KIF6: variants seen among roughly 807,000 people sequenced by gnomAD.
KIF6 encodes the protein kinesin family member 6, also known as kinesin-like protein KIF6.
Under a neutral mutation model 112.7 loss-of-function variants are expected in KIF6, and 106 were observed. The observed-to-expected ratio is 0.94, with a 90% CI of 0.80 to 1.11. The LOEUF (loss-of-function observed/expected upper bound fraction) is 1.11. Ranked by LOEUF, KIF6 falls within the 50% of genes least tolerant of loss-of-function variation. The pLI, the probability that KIF6 is intolerant of heterozygous loss-of-function variation, is 0.00. For missense variants in KIF6, 929 were observed against 964.0 expected, an observed-to-expected ratio of 0.96 and a Z score of 0.48; for synonymous variants, 339 against 339.9, an observed-to-expected ratio of 1.00 and a Z score of 0.03.
intron 12 of KIF6, among the ~76,000 whole-genome samples, chr6:39,541,763 G>A (rs544935433): frequency 6.6e-6 from 1 of 152,140 alleles, no homozygotes; most frequent in Non-Finnish European, 1.5e-5. Flanking sequence ...GCTACAAAAG[G>A]CCTAAGAGTG....
chr6:39,441,511 T>G (rs903553167), intron 13 of KIF6, among the ~76,000 whole-genome samples: 1 of 152,110 alleles, frequency 6.6e-6, no homozygotes, highest in East Asian at 1.9e-4. Context: ...TCCAGGGTGA[T>G]GGAGGTCACC....
intron 22 of KIF6, 66 bp from the exon 23 acceptor site, chr6:39,336,614 A>T: frequency 1.3e-6 from 2 of 1,510,614 alleles, no homozygotes; most frequent in Non-Finnish European, 1.8e-6. Context: ...CCCAGGATTG[A>T]ATCGGGGGGA....
At chr6:39,586,231 T>C in intron 8 of KIF6, 30 bp downstream of exon 8, 1 of 1,612,644 alleles carries the variant, frequency 6.2e-7, no homozygotes, top group Non-Finnish European at 8.5e-7. Flanking sequence ...AAACCTAGAT[T>C]AAGATCTCCA....
rs1435890293 is a variant in KIF6, at chr6:39,498,121, TG to T, written c.1645+41881del. ...TTGGGATTTGGCACTTTGAGAAACA[TG>T]GGCCTATACAGAGACCAAAATTTTT... On this transcript the variant is annotated intron_variant, in intron 13 of 22. Transcript: ENST00000287152. Among the ~76,000 whole-genome samples, 12 of 152,264 alleles carry T rather than the reference TG, an allele frequency of 7.9e-5. No homozygotes were observed. The South Asian group carries it at 2.3e-3, about 29-fold the overall frequency.
intron 3 of KIF6, among the ~76,000 whole-genome samples, chr6:39,663,397 C>A (rs1786276298): frequency 6.6e-6 from 1 of 152,052 alleles, no homozygotes; most frequent in African/African-American, 2.4e-5. Flanking sequence ...GGGAGTTAAG[C>A]CATAAACTGC....
chr6:39,679,763 A>T (rs1295724580), intron 3 of KIF6, among the ~76,000 whole-genome samples: 1 of 150,898 alleles, frequency 6.6e-6, no homozygotes, highest in African/African-American at 2.4e-5. Flanking sequence ...CTACAGGTGC[A>T]TGCCACCATG....
intron 16 of KIF6, among the ~76,000 whole-genome samples, chr6:39,370,610 C>A (rs1430500897): frequency 1.3e-5 from 2 of 152,186 alleles, no homozygotes; most frequent in Non-Finnish European, 2.9e-5. Flanking sequence ...GGCTAGACAA[C>A]CCAAACACTC....
intron 16 of KIF6, among the ~76,000 whole-genome samples, chr6:39,372,237 T>C (rs968262027): frequency 3.4e-5 from 4 of 116,604 alleles, no homozygotes; most frequent in Non-Finnish European, 7.0e-5. Context: ...AGGAAGAACT[T>C]TCCCTCCTAT....
At chr6:39,540,296 T>A in intron 12 of KIF6, 75 bp from the exon 13 acceptor site, 1 of 925,394 alleles carries the variant, frequency 1.1e-6, no homozygotes, top group Non-Finnish European at 1.7e-6. Context: ...TAAGTGTCAT[T>A]AATGTTCCTA....
At chr6:39,363,587 C>T (rs1024215108) in intron 16 of KIF6, among the ~76,000 whole-genome samples, 3 of 152,148 alleles carry the variant, frequency 2.0e-5, no homozygotes, top group Non-Finnish European at 2.9e-5. Context: ...GGAGTCTCTT[C>T]GTGGTTGCCC....
At chr6:39,545,017 T>C (rs1048558246) in intron 11 of KIF6, among the ~76,000 whole-genome samples, 2 of 152,212 alleles carry the variant, frequency 1.3e-5, no homozygotes, top group African/African-American at 4.8e-5. Context: ...TTTACACTTT[T>C]ATTCTAGTAC....
intron 3 of KIF6, among the ~76,000 whole-genome samples, chr6:39,667,147 T>C (rs528374765): frequency 6.6e-6 from 1 of 152,108 alleles, no homozygotes. Flanking sequence ...GATATTTACA[T>C]AGACAAATGA....
chr6:39,360,344 G>A (rs1765031996), intron 18 of KIF6, 51 bp downstream of exon 18: 1 of 1,606,584 alleles, frequency 6.2e-7, no homozygotes, highest in Non-Finnish European at 8.5e-7. Flanking sequence ...GCCCCAGTGG[G>A]GCTGCATGAC....
rs79924669 is a variant in KIF6, at chr6:39,492,007, C to T, written c.1645+47996G>A. On this transcript the variant is annotated intron_variant, in intron 13 of 22. Transcript: ENST00000287152. Reference sequence around the variant, plus strand: ...TGGAAGAATTTTAAAGGATCCGGAACAGCCTTTTCAGTCAGCAAAAGGTTC... The same window carrying T: ...TGGAAGAATTTTAAAGGATCCGGAATAGCCTTTTCAGTCAGCAAAAGGTTC... Among the ~76,000 whole-genome samples the T allele has an allele frequency of 5.6e-3, 851 of 152,296 alleles. 9 individuals are homozygous for T. Among genetic ancestry groups the T allele is most frequent in the African/African-American group, 0.019 (803 of 41,574 alleles).
At chr6:39,515,617 T>C (rs1289755451) in intron 13 of KIF6, among the ~76,000 whole-genome samples, 2 of 152,236 alleles carry the variant, frequency 1.3e-5, no homozygotes, top group African/African-American at 4.8e-5. Flanking sequence ...TTATATAGTA[T>C]GTCTGGTGTG....
intron 10 of KIF6, among the ~76,000 whole-genome samples, chr6:39,567,336 G>A (rs2150609537): frequency 6.6e-6 from 1 of 152,258 alleles, no homozygotes; most frequent in South Asian, 2.1e-4. Context: ...GCTCATGCAT[G>A]ATGAAAATAT....
chr6:39,513,550 T>A (rs116388886), intron 13 of KIF6, among the ~76,000 whole-genome samples: 1 of 152,208 alleles, frequency 6.6e-6, no homozygotes, highest in Non-Finnish European at 1.5e-5. Flanking sequence ...CAGACTTCCC[T>A]CTCCATCACG....
chr6:39,566,338 T>G (rs941529735), intron 10 of KIF6, among the ~76,000 whole-genome samples: 1 of 152,226 alleles, frequency 6.6e-6, no homozygotes, highest in African/African-American at 2.4e-5. Flanking sequence ...AATGTAATGT[T>G]TATGCATCAG....
At chr6:39,353,045 A>C (rs1026560951) in intron 19 of KIF6, among the ~76,000 whole-genome samples, 1 of 152,118 alleles carries the variant, frequency 6.6e-6, no homozygotes, top group African/African-American at 2.4e-5. Context: ...TTTTGTGGAC[A>C]TAAGTTTTCA....
Sources: gnomAD v4.1 joint callset for allele counts (sites outside exome capture counted in the v4.1 genomes callset) on GRCh38, gnomAD v4.1.1 for gene constraint, MANE v1.5 for transcripts, NCBI Gene and HGNC (gene_info 2026-07-23, HGNC 2026-07-21) for gene names.